The following RNF20 variants were observed in gnomAD, a reference collection of about 807,000 sequenced individuals.
RNF20 encodes ring finger protein 20.
RNF20 carries 84 observed loss-of-function variants against 126.2 expected under a neutral mutation model. The ratio of observed to expected loss-of-function variants is 0.67; its 90% confidence interval spans 0.56 to 0.80. The LOEUF is 0.80. Among genes scored for constraint, RNF20 ranks in the 30% least tolerant of loss-of-function variants. RNF20 has a pLI of 0.00. For missense variants in RNF20, 869 were observed against 1,188.2 expected, an observed-to-expected ratio of 0.73 and a Z score of 3.95; for synonymous variants, 400 against 414.3, an observed-to-expected ratio of 0.97 and a Z score of 0.42.
In RNF20 at chr9:101,562,230, C is replaced by T. The variant is rs762144243; in HGVS notation, c.2752-16C>T. 1.2e-6 allele frequency: 2 copies of T among 1,605,104 alleles called. No individual in the cohort carries two copies. Among genetic ancestry groups the T allele is most frequent in the Non-Finnish European group, 1.7e-6 (2 of 1,173,782 alleles). On this transcript the variant is annotated splice_polypyrimidine_tract_variant and intron_variant, in intron 19 of 19. Transcript: ENST00000389120. ...ACTTTCATGGTTGTTCAAACTCTGA[C>T]ATCTTTTCTTTTTAGGCACGCTTGA...
chr9:101,558,128 A>G (rs1827566596), intron 16 of RNF20, among the ~76,000 whole-genome samples: 2 of 151,162 alleles, frequency 1.3e-5, no homozygotes, highest in Admixed American at 1.3e-4. Flanking sequence ...AGCAGTGTAC[A>G]TTGTACCCAG....
chr9:101,552,530 A>G lies in RNF20; in HGVS notation c.1678A>G (p.Ile560Val), dbSNP rs1827464975. The change falls in exon 13 of 20, where the codon ATC becomes GTC. Residue 560 changes from isoleucine (I) to valine (V), a missense_variant. This residue lies in a region of RNF20 where 231 missense variants were observed against 263.6 expected (regional missense o/e 0.88). Coordinates refer to ENST00000389120, the MANE Select transcript of RNF20 (RefSeq NM_019592.7). ...SKASQEDANE[I>V]KSKRDEEERE... ...GGCATCTCAGGAGGATGCCAATGAA[A>G]TCAAGTCTAAACGGGATGAAGAAGA... The G allele has an allele frequency of 1.2e-6, 2 of 1,613,942 alleles. No homozygotes were observed. The highest frequency in any genetic ancestry group is 8.5e-7 in the Non-Finnish European group (1 of 1,179,982).
chr9:101,561,838 CAA>C (rs1348648326), intron 18 of RNF20, 70 bp from the exon 19 acceptor site: 1 of 1,016,308 alleles, frequency 9.8e-7, no homozygotes, highest in Non-Finnish European at 1.6e-6. Context: ...ACAGAAAACT[CAA>C]GTCTATTATT....
intron 6 of RNF20, among the ~76,000 whole-genome samples, chr9:101,545,286 G>C (rs1345194086): frequency 1.3e-5 from 2 of 152,158 alleles, no homozygotes; most frequent in Non-Finnish European, 2.9e-5. Context: ...TGACTTTTCT[G>C]ATACTTCTGA....
intron 9 of RNF20, 151 bp downstream of exon 9, chr9:101,547,669 G>C: frequency 1.0e-6 from 1 of 958,812 alleles, no homozygotes; most frequent in South Asian, 1.8e-5. Flanking sequence ...TAACAAATTA[G>C]GTGTAAAGAA....
At chr9:101,543,598 C>A (rs1022958228) in intron 5 of RNF20, among the ~76,000 whole-genome samples, 2 of 150,432 alleles carry the variant, frequency 1.3e-5, no homozygotes, top group African/African-American at 4.9e-5. Context: ...CACTGTCTAA[C>A]CCTGCCAGGG....
intron 7 of RNF20, 21 bp from the exon 8 acceptor site, chr9:101,547,116 G>C (rs758918924): frequency 5.1e-5 from 82 of 1,612,522 alleles, no homozygotes; most frequent in Middle Eastern, 3.3e-4. Flanking sequence ...TCTCACTAAA[G>C]AATCTTTGTG....
At position 101,561,230 on chromosome 9, in the gene RNF20, G is replaced by A. The variant is rs145391118; in HGVS notation, c.2649G>A (p.Gln883=). 3 of 1,613,330 alleles carry A rather than the reference G, an allele frequency of 1.9e-6. No homozygotes were observed. The highest frequency in any genetic ancestry group is 2.5e-6 in the Non-Finnish European group (3 of 1,179,528). Reference sequence around the variant, plus strand: ...ACATGTTCAATTTCAAACGAGCCCAGGTAAAAGCAGTTGTCTTTTCTTGTC... The same window carrying A: ...ACATGTTCAATTTCAAACGAGCCCAAGTAAAAGCAGTTGTCTTTTCTTGTC... ...EKDMFNFKRA[Q]EDISRLRRKL... The change falls in exon 18 of 20, where the codon CAG becomes CAA. Residue 883 remains glutamine (Q), a splice_region_variant and synonymous_variant. Coordinates refer to ENST00000389120, the MANE Select transcript of RNF20 (RefSeq NM_019592.7).
chr9:101,549,482 A>C (rs1391016437), intron 9 of RNF20, among the ~76,000 whole-genome samples: 1 of 152,154 alleles, frequency 6.6e-6, no homozygotes, highest in African/African-American at 2.4e-5. Context: ...TGACCACTGA[A>C]CAGGTTAGGC....
At chr9:101,541,044 G>A (rs1827253364) in intron 5 of RNF20, 69 bp downstream of exon 5, 9 of 1,247,324 alleles carry the variant, frequency 7.2e-6, no homozygotes, top group Non-Finnish European at 9.0e-6. Flanking sequence ...ATGCTAATTT[G>A]TAGTTTGCAA....
At chr9:101,561,502 T>A (rs1478886991) in intron 18 of RNF20, 3 of 440,882 alleles carry the variant, frequency 6.8e-6, no homozygotes, top group African/African-American at 6.1e-5. Context: ...CAGTAGAGGA[T>A]TTTCAAGTTC....
chr9:101,540,776 TCCCCC>T lies in RNF20; in HGVS notation c.446-16_446-12del. On this transcript the variant is annotated splice_polypyrimidine_tract_variant and intron_variant, in intron 4 of 19. Coordinates refer to ENST00000389120, the MANE Select transcript of RNF20 (RefSeq NM_019592.7). ...TATAATTTTGGGGGGCTTCTTTTTT[TCCCCC>T]TGTGTCCTCAGGGGAAGGGCAAGAG... The T allele has an allele frequency of 1.3e-6, 2 of 1,592,562 alleles. No homozygotes were observed. The highest frequency in any genetic ancestry group is 1.9e-5 in the Admixed American group (1 of 53,966).
rs1214869066 is a variant in RNF20, at chr9:101,550,603, A to C, written c.1093-3A>C. On this transcript the variant is annotated splice_region_variant and splice_polypyrimidine_tract_variant and intron_variant, in intron 9 of 19. Coordinates refer to ENST00000389120, the MANE Select transcript of RNF20 (RefSeq NM_019592.7). Reference sequence around the variant, plus strand: ...TTCTGACTTTGCTTTGGGCCCTCCTAAGGTGGAATTGCGGAGTGCAGTGGA... The same window carrying C: ...TTCTGACTTTGCTTTGGGCCCTCCTCAGGTGGAATTGCGGAGTGCAGTGGA... 1 of 1,612,836 alleles carries C rather than the reference A, an allele frequency of 6.2e-7. No homozygotes were observed. Among genetic ancestry groups the C allele is most frequent in the Non-Finnish European group, 8.5e-7 (1 of 1,179,272 alleles).
In RNF20 at chr9:101,554,025, C is replaced by G. The variant is rs1183961199; in HGVS notation, c.1939C>G (p.Leu647Val). Residue 647 changes from leucine to valine, a missense_variant, in exon 14 of 20, where the codon CTG becomes GTG. By Grantham distance (32) the Leu-to-Val change is conservative. Coordinates refer to ENST00000389120, the MANE Select transcript of RNF20 (RefSeq NM_019592.7). ...GAGCCAAAAGGAGATGAAACTATTGCTGGATATGTACCGTTCTGCCCCAAA... is the reference window on the plus strand; with the variant it reads ...GAGCCAAAAGGAGATGAAACTATTGGTGGATATGTACCGTTCTGCCCCAAA... ...QESQKEMKLL[L>V]DMYRSAPKEQ... 6.2e-7 allele frequency: 1 copy of G among 1,613,202 alleles called. No homozygotes were observed. Among genetic ancestry groups the G allele is most frequent in the Non-Finnish European group, 8.5e-7 (1 of 1,179,440 alleles).
rs147754621 is a variant in RNF20 at position 101,557,536 on chromosome 9, T to C, written c.2322T>C (p.His774=). The C allele has an allele frequency of 4.3e-6, 7 of 1,613,976 alleles. No individual in the cohort carries two copies. Among genetic ancestry groups the C allele is most frequent in the Non-Finnish European group, 5.9e-6 (7 of 1,179,914 alleles). The change falls in exon 16 of 20, where the codon CAT becomes CAC. Residue 774 remains histidine (H), a synonymous_variant. Coordinates refer to ENST00000389120, the MANE Select transcript of RNF20 (RefSeq NM_019592.7). ...MSERIKSNQI[H]KLLKEEKEEL... is the part of the protein sequence containing the mutation. ...AGCGTATCAAGTCCAATCAGATCCA[T>C]AAGTTGCTTAAAGAAGAGAAGGAGG...
At chr9:101,554,147 T>C in intron 14 of RNF20, 42 bp downstream of exon 14, 1 of 1,136,962 alleles carries the variant, frequency 8.8e-7, no homozygotes, top group Non-Finnish European at 1.3e-6. Context: ...GTTAAAATCT[T>C]CATTTGTGGG....
chr9:101,562,431 A>G lies in RNF20; in HGVS notation c.*9A>G. On this transcript the variant is annotated 3_prime_UTR_variant, in exon 20 of 20. Transcript: ENST00000389120. ...GCATCTACATTGGTTGATCTAAGTC[A>G]AGAGAAGAAGAGGAGCTGGCTAGTC... The G allele has an allele frequency of 6.2e-7, 1 of 1,607,838 alleles. No individual in the cohort carries two copies. Among genetic ancestry groups the G allele is most frequent in the South Asian group, 1.1e-5 (1 of 90,588 alleles).
At chr9:101,542,417 TTACA>T (rs1205360131) in intron 5 of RNF20, among the ~76,000 whole-genome samples, 1 of 152,266 alleles carries the variant, frequency 6.6e-6, no homozygotes, top group Non-Finnish European at 1.5e-5. Context: ...TATTAATATC[TTACA>T]TCTACTTGCA....
At position 101,540,586 on chromosome 9, in the gene RNF20, C is replaced by A; in HGVS notation, c.394C>A (p.Pro132Thr). ...TERKALVVPE[P>T]EPDSDSNQER... ...ACGAAAAGCCCTTGTTGTGCCTGAACCAGAACCAGACTCTGATAGCAATCA... is the reference window on the plus strand; with the variant it reads ...ACGAAAAGCCCTTGTTGTGCCTGAAACAGAACCAGACTCTGATAGCAATCA... Residue 132 changes from proline to threonine, a missense_variant, in exon 4 of 20, where the codon CCA (proline) becomes ACA (threonine). Transcript: ENST00000389120. 6.2e-7 allele frequency: 1 copy of A among 1,614,072 alleles called. No individual in the cohort carries two copies. The highest frequency in any genetic ancestry group is 8.5e-7 in the Non-Finnish European group (1 of 1,179,996).
Sources: allele counts gnomAD v4.1 joint callset (sites outside exome capture counted in the v4.1 genomes callset), GRCh38; gene constraint gnomAD v4.1.1; regional missense constraint gnomAD v4.1.1; transcripts MANE v1.5; gene names NCBI Gene and HGNC (gene_info 2026-07-23, HGNC 2026-07-21).